CCDC117: variants seen among roughly 807,000 people sequenced by gnomAD.
The protein encoded by CCDC117 is coiled-coil domain containing 117, also known as coiled-coil domain-containing protein 117.
In CCDC117, 1 loss-of-function variant was observed where a neutral mutation model predicts 23.5. The observed-to-expected ratio is 0.04, with a 90% CI of 0.02 to 0.20. The LOEUF (loss-of-function observed/expected upper bound fraction) is 0.20, where lower values mean the gene tolerates loss of function less well. CCDC117 is among the 10% of genes least tolerant of loss of function. The pLI is 1.00. For missense variants in CCDC117, 383 were observed against 348.2 expected (o/e 1.10, Z -0.80); for synonymous variants, 132 against 124.8 (o/e 1.06, Z -0.39).
chr22:28,774,093 A>G, intron 2 of CCDC117, among the ~76,000 whole-genome samples: 1 of 141,682 alleles, frequency 7.1e-6, no homozygotes, highest in East Asian at 2.1e-4. Context: ...TTTGGGACGG[A>G]GTCTGCCTCT....
At chr22:28,774,645 A>G (rs2031110971) in intron 2 of CCDC117, among the ~76,000 whole-genome samples, 1 of 151,952 alleles carries the variant, frequency 6.6e-6, no homozygotes, top group South Asian at 2.1e-4. Context: ...ACAGGTGTGA[A>G]CCGTCCCCCA....
Position 28,786,341 on chromosome 22 carries a change from A to C in CCDC117, c.*15A>C, listed in dbSNP as rs775139472. On this transcript the variant is annotated 3_prime_UTR_variant, in exon 5 of 5. Coordinates refer to ENST00000249064, the MANE Select transcript of CCDC117 (RefSeq NM_173510.4). ...TGGAACTCTAGAAACCAATTTCTACACTAAAGTTGTCAAATGTTAGAAGAA... is the reference window on the plus strand; with the variant it reads ...TGGAACTCTAGAAACCAATTTCTACCCTAAAGTTGTCAAATGTTAGAAGAA... 6.4e-7 allele frequency: 1 copy of C among 1,563,030 alleles called. No individual in the cohort carries two copies. Among genetic ancestry groups the C allele is most frequent in the South Asian group, 1.1e-5 (1 of 89,652 alleles).
chr22:28,774,714 C>T (rs1024642952), intron 2 of CCDC117, among the ~76,000 whole-genome samples: 1 of 152,080 alleles, frequency 6.6e-6, no homozygotes, highest in East Asian at 1.9e-4. Flanking sequence ...GAGACAACCC[C>T]CTTACCTGTT....
chr22:28,775,430 A>G (rs2031134638), intron 2 of CCDC117, among the ~76,000 whole-genome samples: 1 of 152,146 alleles, frequency 6.6e-6, no homozygotes, highest in African/African-American at 2.4e-5. Context: ...TATATGAATG[A>G]TTTCCTTGAC....
At chr22:28,773,983 T>C (rs995145418) in intron 2 of CCDC117, among the ~76,000 whole-genome samples, 1 of 152,216 alleles carries the variant, frequency 6.6e-6, no homozygotes, top group Non-Finnish European at 1.5e-5. Context: ...CTATAACAAG[T>C]TGTAATATTT....
At chr22:28,783,454 T>C (rs2146254400) in intron 3 of CCDC117, 54 bp from the exon 4 acceptor site, 11 of 1,553,528 alleles carry the variant, frequency 7.1e-6, no homozygotes, top group East Asian at 2.2e-5. Context: ...TACTAGAATA[T>C]ATAATAGCTT....
Position 28,773,055 on chromosome 22 carries a change from AGGGCGCAGGGCGGGC to A in CCDC117, c.185+27_185+41del, listed in dbSNP as rs958979492. On this transcript the variant is annotated intron_variant, in intron 1 of 4. Transcript: ENST00000249064. Reference sequence around the variant, plus strand: ...GGACGGTGAGGAGCCCGTCGGGCGCAGGGCGCAGGGCGGGCGGGCGGGCGGGCAGGCTGGGCGCCC... The same window carrying A: ...GGACGGTGAGGAGCCCGTCGGGCGCAGGGCGGGCGGGCAGGCTGGGCGCCC... 4.7e-5 allele frequency: 29 copies of A among 622,548 alleles called. No individual in the cohort carries two copies. The South Asian group carries it at 7.0e-4, about 15-fold the overall frequency. 38.6% of individuals were successfully genotyped at this position (622,548 alleles called of 1,614,324 possible). A position where few individuals can be genotyped will look rare whatever the true frequency, so the allele number is the denominator to read the frequency against.
rs949429115 is a variant in CCDC117 at position 28,789,261 on chromosome 22, T to C, written c.*2935T>C. 6.6e-6 allele frequency: 1 copy of C among 152,220 alleles called. No individual in the cohort carries two copies. The highest frequency in any genetic ancestry group is 2.4e-5 in the African/African-American group (1 of 41,452). 9.4% of individuals were successfully genotyped at this position (152,220 alleles called of 1,614,324 possible). On this transcript the variant is annotated 3_prime_UTR_variant, in exon 5 of 5. Coordinates refer to ENST00000249064, the MANE Select transcript of CCDC117 (RefSeq NM_173510.4). ...ATGAGAATCTGGTGTTACTGTATTTTATCGTTTTCAATAAAACTTCTTAAG... is the reference window on the plus strand; with the variant it reads ...ATGAGAATCTGGTGTTACTGTATTTCATCGTTTTCAATAAAACTTCTTAAG...
Position 28,786,252 on chromosome 22 carries a change from C to G in CCDC117, c.766C>G (p.Pro256Ala), listed in dbSNP as rs762850742. Reference protein sequence around the residue: ...FPQRTELFSEPRPTGMSLYNS... With the variant: ...FPQRTELFSEARPTGMSLYNS... ...TCAGAGAACTGAACTGTTTTCGGAACCTCGGCCAACAGGGATGTCTCTTTA... is the reference window on the plus strand; with the variant it reads ...TCAGAGAACTGAACTGTTTTCGGAAGCTCGGCCAACAGGGATGTCTCTTTA... Residue 256 changes from proline to alanine, a missense_variant, in exon 5 of 5, where the codon CCT (proline) becomes GCT (alanine). Physicochemically the swap from Pro to Ala is conservative, Grantham distance 27 (BLOSUM62 -1). Transcript: ENST00000249064. The G allele has an allele frequency of 5.6e-6, 9 of 1,614,004 alleles. No individual in the cohort carries two copies. Among genetic ancestry groups the G allele is most frequent in the Non-Finnish European group, 7.6e-6 (9 of 1,180,036 alleles).
intron 2 of CCDC117, among the ~76,000 whole-genome samples, chr22:28,779,725 A>C (rs2031266142): frequency 6.6e-6 from 1 of 152,174 alleles, no homozygotes; most frequent in South Asian, 2.1e-4. Flanking sequence ...TTAACATGGA[A>C]TAGAAATTTC....
At chr22:28,781,968 A>G (rs1218901893) in intron 3 of CCDC117, among the ~76,000 whole-genome samples, 1 of 105,072 alleles carries the variant, frequency 9.5e-6, no homozygotes, top group African/African-American at 3.7e-5. Context: ...TTTTAAATTG[A>G]TACAGGGTCT....
chr22:28,779,557 T>C lies in CCDC117; in HGVS notation c.240-1391T>C, dbSNP rs969899311. Among the ~76,000 whole-genome samples the C allele has an allele frequency of 3.3e-5, 5 of 152,188 alleles. No homozygotes were observed. In the East Asian group the frequency reaches 5.8e-4, roughly 18 times the overall value. The stretch of plus-strand genomic sequence containing the variant: ...TGAAATATGACAGAAATGTTAGATA[T>C]AGCTGAACATTCTTAATGCTTTCTT... On this transcript the variant is annotated intron_variant, in intron 2 of 4. Transcript: ENST00000249064.
chr22:28,772,916 C>T lies in CCDC117; in HGVS notation c.67C>T (p.Pro23Ser), dbSNP rs1229995471. ...LSGGSDFLQP[P>S]QPAFPGRAFP... The stretch of plus-strand genomic sequence containing the variant: ...CGGCGGCTCGGACTTCCTGCAGCCG[C>T]CGCAGCCGGCCTTCCCCGGCCGGGC... Residue 23 changes from proline (P) to serine (S), a missense_variant, in exon 1 of 5, where the codon CCG (proline) becomes TCG (serine). Physicochemically the swap from Pro to Ser is moderately conservative, Grantham distance 74. Transcript: ENST00000249064. The T allele has an allele frequency of 7.2e-5, 88 of 1,227,652 alleles. 1 individual carries two copies. The highest frequency in any genetic ancestry group is 8.8e-5 in the Non-Finnish European group (87 of 984,766). 76.0% of individuals were successfully genotyped at this position (1,227,652 alleles called of 1,614,324 possible). A position where few individuals can be genotyped will look rare whatever the true frequency, so the allele number is the denominator to read the frequency against.
chr22:28,784,506 C>G lies in CCDC117; in HGVS notation c.602+861C>G, dbSNP rs199719574. Among the ~76,000 whole-genome samples the G allele has an allele frequency of 6.6e-5, 10 of 152,308 alleles. No homozygotes were observed. In the East Asian group the frequency reaches 1.9e-3, roughly 29 times the overall value. ...GTATCTGAAAAAGCCTCTTAGGACACCAGTCAGTGAGGGCAGATAGGTGAG... is the reference window on the plus strand; with the variant it reads ...GTATCTGAAAAAGCCTCTTAGGACAGCAGTCAGTGAGGGCAGATAGGTGAG... On this transcript the variant is annotated intron_variant, in intron 4 of 4. Coordinates refer to ENST00000249064, the MANE Select transcript of CCDC117 (RefSeq NM_173510.4).
chr22:28,781,876 C>T (rs2031348074), intron 3 of CCDC117, among the ~76,000 whole-genome samples: 1 of 151,538 alleles, frequency 6.6e-6, no homozygotes, highest in Non-Finnish European at 1.5e-5. Flanking sequence ...CACATGACCT[C>T]AGGTGATCCC....
At chr22:28,776,731 T>C (rs1056505392) in intron 2 of CCDC117, among the ~76,000 whole-genome samples, 2 of 152,110 alleles carry the variant, frequency 1.3e-5, no homozygotes, top group African/African-American at 4.8e-5. Flanking sequence ...ATTACAGGCA[T>C]GTGCCTCCAT....
chr22:28,776,904 G>A (rs981647745), intron 2 of CCDC117, among the ~76,000 whole-genome samples: 18 of 151,700 alleles, frequency 1.2e-4, no homozygotes, highest in Non-Finnish European at 1.8e-4. Flanking sequence ...ATTTTTAGTA[G>A]AGAAATGGTT....
At chr22:28,784,343 G>A (rs1317591040) in intron 4 of CCDC117, among the ~76,000 whole-genome samples, 1 of 152,200 alleles carries the variant, frequency 6.6e-6, no homozygotes, top group Non-Finnish European at 1.5e-5. Context: ...GATTAGCCCA[G>A]CTCTAATCCT....
intron 2 of CCDC117, among the ~76,000 whole-genome samples, chr22:28,776,052 A>G (rs1043164624): frequency 6.6e-6 from 1 of 152,124 alleles, no homozygotes; most frequent in African/African-American, 2.4e-5. Flanking sequence ...AGCACCAGGA[A>G]CTCTTAAATA....
Sources: allele counts gnomAD v4.1 joint callset (sites outside exome capture counted in the v4.1 genomes callset), GRCh38; gene constraint gnomAD v4.1.1; transcripts MANE v1.5; gene names NCBI Gene and HGNC (gene_info 2026-07-23, HGNC 2026-07-21).